Variants in HIKESHI observed in about 807,000 individuals in gnomAD.
HIKESHI encodes the protein heat shock protein nuclear import factor hikeshi, also known as protein Hikeshi.
Under a neutral mutation model 25.7 loss-of-function variants are expected in HIKESHI, and 13 were observed. The observed-to-expected ratio is 0.51, with a 90% CI of 0.33 to 0.80. The LOEUF (loss-of-function observed/expected upper bound fraction) is 0.80. Ranked by LOEUF, HIKESHI falls within the 30% of genes least tolerant of loss-of-function variation. The pLI is 0.02. For synonymous variants in HIKESHI, 76 were observed against 78.7 expected (o/e 0.97, Z 0.18); for missense variants, 174 against 229.5 (o/e 0.76, Z 1.56).
At chr11:86,312,920 G>C (rs291201) in intron 2 of HIKESHI, among the ~76,000 whole-genome samples, 94,284 of 152,060 alleles carry the variant, frequency 0.62, 29,421 homozygotes, top group East Asian at 0.79. Flanking sequence ...TTTCTGTGGA[G>C]AGGTCCACTG....
chr11:86,342,341 T>C (rs1054048830), intron 3 of HIKESHI, among the ~76,000 whole-genome samples: 15 of 152,236 alleles, frequency 9.9e-5, no homozygotes, highest in African/African-American at 3.6e-4. Context: ...ACATTGCTTA[T>C]AGTGACTTTT....
intron 2 of HIKESHI, among the ~76,000 whole-genome samples, chr11:86,315,728 A>G (rs1365566870): frequency 6.6e-6 from 1 of 152,146 alleles, no homozygotes. Flanking sequence ...GTTGTACTTT[A>G]TAAGAGGAAG....
intron 3 of HIKESHI, among the ~76,000 whole-genome samples, chr11:86,342,027 C>G (rs1468745034): frequency 6.6e-6 from 1 of 151,412 alleles, no homozygotes; most frequent in Non-Finnish European, 1.5e-5. Context: ...TATGTTCTCA[C>G]TAACATTTAT....
At chr11:86,306,673 G>C (rs1345027465) in intron 2 of HIKESHI, among the ~76,000 whole-genome samples, 191 bp downstream of exon 2, 1 of 151,926 alleles carries the variant, frequency 6.6e-6, no homozygotes, top group Non-Finnish European at 1.5e-5. Flanking sequence ...GGCTCCTCTT[G>C]TTGTTCATTT....
intron 3 of HIKESHI, among the ~76,000 whole-genome samples, chr11:86,341,488 C>CTTTT (rs112151717): frequency 2.1e-4 from 30 of 142,808 alleles, no homozygotes; most frequent in Non-Finnish European, 2.6e-4. Context: ...TGGAATTCTC[C>CTTTT]TTTTTTTTTT....
intron 2 of HIKESHI, among the ~76,000 whole-genome samples, chr11:86,314,338 G>T (rs61904308): frequency 0.028 from 4,265 of 152,214 alleles, 82 homozygotes; most frequent in Non-Finnish European, 0.041. Context: ...ATGGGAGGCT[G>T]GGTGTGGTGG....
At chr11:86,331,715 G>T (rs1438221899) in intron 2 of HIKESHI, among the ~76,000 whole-genome samples, 2 of 152,120 alleles carry the variant, frequency 1.3e-5, no homozygotes, top group Non-Finnish European at 2.9e-5. Context: ...TTTTTATCTA[G>T]TGTAAAATTA....
At chr11:86,324,802 G>A (rs1293964410) in intron 2 of HIKESHI, among the ~76,000 whole-genome samples, 2 of 152,116 alleles carry the variant, frequency 1.3e-5, no homozygotes, top group African/African-American at 4.8e-5. Context: ...TGATTGAACT[G>A]AGAATTTATT....
At chr11:86,329,932 G>T (rs921189036) in intron 2 of HIKESHI, among the ~76,000 whole-genome samples, 1 of 151,664 alleles carries the variant, frequency 6.6e-6, no homozygotes, top group Non-Finnish European at 1.5e-5. Flanking sequence ...ATGTAGTTTG[G>T]TGCTGCCTTT....
chr11:86,327,057 T>G (rs912767772), intron 2 of HIKESHI, among the ~76,000 whole-genome samples: 4 of 152,070 alleles, frequency 2.6e-5, no homozygotes, highest in African/African-American at 9.7e-5. Context: ...TGAGATCTCT[T>G]CTCTAAAACC....
chr11:86,309,998 G>A (rs1338887004), intron 2 of HIKESHI, among the ~76,000 whole-genome samples: 26 of 150,556 alleles, frequency 1.7e-4, no homozygotes, highest in Non-Finnish European at 2.7e-4. Context: ...GTCAGGTAGC[G>A]TGATGTCTCC....
chr11:86,329,937 G>A (rs2138380703), intron 2 of HIKESHI, among the ~76,000 whole-genome samples: 1 of 151,942 alleles, frequency 6.6e-6, no homozygotes, highest in East Asian at 1.9e-4. Context: ...GTTTGGTGCT[G>A]CCTTTTCTTT....
At chr11:86,303,478 T>C in intron 1 of HIKESHI, 10 of 878,216 alleles carry the variant, frequency 1.1e-5, no homozygotes, top group Non-Finnish European at 1.4e-5. Context: ...AATTTTGCCC[T>C]GCTCTTAATA....
rs1221543226 is a variant in HIKESHI, at chr11:86,323,443, TG to T, written c.269-13935del. ...ATACAGTAGGAGAAGCAAGCTAATTTGTACCCAGAGTACATTGCATTGATTA... is the reference window on the plus strand; with the variant it reads ...ATACAGTAGGAGAAGCAAGCTAATTTTACCCAGAGTACATTGCATTGATTA... On this transcript the variant is annotated intron_variant, in intron 2 of 4. Transcript: ENST00000278483. Among the ~76,000 whole-genome samples the T allele has an allele frequency of 2.3e-4, 35 of 152,312 alleles. No homozygotes were observed. The East Asian group carries it at 6.4e-3, about 28-fold the overall frequency.
At position 86,307,397 on chromosome 11, in the gene HIKESHI, A is replaced by G. The variant is rs4559705; in HGVS notation, c.268+915A>G. Among the ~76,000 whole-genome samples, 43 of 106,040 alleles carry G rather than the reference A, an allele frequency of 4.1e-4. 2 individuals carry two copies. Among genetic ancestry groups the G allele is most frequent in the African/African-American group, 1.0e-3 (32 of 30,652 alleles). The allele number at this position is 106,040 out of a possible 152,430, so 69.6% of individuals were successfully genotyped here. A position where few individuals can be genotyped will look rare whatever the true frequency, so the allele number is the denominator to read the frequency against. On this transcript the variant is annotated intron_variant, in intron 2 of 4. Transcript: ENST00000278483. ...ATTATATATCAATATATTATGTGTA[A>G]TATACATTATATATCAATATATTAT...
intron 1 of HIKESHI, among the ~76,000 whole-genome samples, chr11:86,302,877 T>C (rs1376119982): frequency 6.6e-6 from 1 of 152,200 alleles, no homozygotes; most frequent in Non-Finnish European, 1.5e-5. Context: ...ATACCTTCTT[T>C]ATTAACTTGA....
chr11:86,317,660 G>A (rs1193793734), intron 2 of HIKESHI, among the ~76,000 whole-genome samples: 1 of 152,086 alleles, frequency 6.6e-6, no homozygotes, highest in Non-Finnish European at 1.5e-5. Context: ...CAAAAAATTA[G>A]CTTGGTGTGG....
At chr11:86,339,906 C>A (rs1947677681) in intron 3 of HIKESHI, among the ~76,000 whole-genome samples, 2 of 151,768 alleles carry the variant, frequency 1.3e-5, no homozygotes, top group South Asian at 2.1e-4. Flanking sequence ...GCCCCCCACC[C>A]CAAGACAGAC....
chr11:86,311,326 A>G (rs1305224516), intron 2 of HIKESHI, among the ~76,000 whole-genome samples: 1 of 152,154 alleles, frequency 6.6e-6, no homozygotes, highest in Admixed American at 6.5e-5. Context: ...CATTTCTTCT[A>G]GATTTTCTAG....
Sources: gnomAD v4.1 joint callset for allele counts (sites outside exome capture counted in the v4.1 genomes callset) on GRCh38, gnomAD v4.1.1 for gene constraint, MANE v1.5 for transcripts, NCBI Gene and HGNC (gene_info 2026-07-23, HGNC 2026-07-21) for gene names.